MATCAP2: variants seen among roughly 807,000 people sequenced by gnomAD.
The protein encoded by MATCAP2 is microtubule associated tyrosine carboxypeptidase 2, also known as putative tyrosine carboxypeptidase MATCAP2.
chr7:36,368,291 T>C, the MATCAP2 span: 2 of 152,268 alleles, frequency 1.3e-5, no homozygotes, highest in South Asian at 2.1e-4. Context: ...ATGGAAATAA[T>C]TGGGGTGTGT....
At chr7:36,358,153 G>A in the MATCAP2 span, among the ~76,000 whole-genome samples, 34 of 151,544 alleles carry the variant, frequency 2.2e-4, no homozygotes, top group African/African-American at 3.6e-4. Context: ...AGCTGAGATC[G>A]CACCACTGCA....
At chr7:36,350,075 C>T in the MATCAP2 span, among the ~76,000 whole-genome samples, 3 of 152,156 alleles carry the variant, frequency 2.0e-5, no homozygotes, top group Non-Finnish European at 4.4e-5. Flanking sequence ...TTAAAGAAGG[C>T]TTACTTTTTC....
chr7:36,383,616 G>A, the MATCAP2 span, among the ~76,000 whole-genome samples: 1 of 152,184 alleles, frequency 6.6e-6, no homozygotes, highest in Admixed American at 6.5e-5. Flanking sequence ...TGAACAATGA[G>A]AATGCATGGA....
chr7:36,336,381 C>A, the MATCAP2 span: 5 of 1,069,682 alleles, frequency 4.7e-6, no homozygotes, highest in Non-Finnish European at 5.3e-6. Context: ...TTTATTGTGA[C>A]CTATTCTAGG....
At chr7:36,386,305 G>A in the MATCAP2 span, among the ~76,000 whole-genome samples, 2 of 152,100 alleles carry the variant, frequency 1.3e-5, no homozygotes, top group African/African-American at 2.4e-5. Context: ...ACAAAAGCAT[G>A]AAAAGCCATA....
At chr7:36,374,593 G>A in the MATCAP2 span, among the ~76,000 whole-genome samples, 17 of 151,848 alleles carry the variant, frequency 1.1e-4, no homozygotes, top group African/African-American at 4.1e-4. Context: ...CAACATGCAG[G>A]TTTGTTACAT....
the MATCAP2 span, among the ~76,000 whole-genome samples, chr7:36,379,847 C>CACACACAGAGAGAGAGAGAGAGAGAG: frequency 9.3e-6 from 1 of 107,700 alleles, no homozygotes; most frequent in East Asian, 3.0e-4. Flanking sequence ...CACACACACA[C>CACACACAGAGAGAGAGAGAGAGAGAG]AGAGAGAGAG....
At chr7:36,335,366 G>C in the MATCAP2 span, among the ~76,000 whole-genome samples, 1 of 152,164 alleles carries the variant, frequency 6.6e-6, no homozygotes, top group Non-Finnish European at 1.5e-5. Flanking sequence ...TGACCCTTTG[G>C]GAACTCAAGA....
the MATCAP2 span, among the ~76,000 whole-genome samples, chr7:36,348,133 C>T: frequency 6.6e-6 from 1 of 152,118 alleles, no homozygotes; most frequent in Admixed American, 6.6e-5. Flanking sequence ...ATGGTTACTT[C>T]AGATAAGCAT....
chr7:36,378,177 G>A, the MATCAP2 span, among the ~76,000 whole-genome samples: 3 of 152,176 alleles, frequency 2.0e-5, no homozygotes, highest in Non-Finnish European at 4.4e-5. Flanking sequence ...TTAGAGAAGA[G>A]GTGCTCTGGT....
chr7:36,358,247 G>A, the MATCAP2 span, among the ~76,000 whole-genome samples: 1 of 151,546 alleles, frequency 6.6e-6, no homozygotes, highest in Non-Finnish European at 1.5e-5. Flanking sequence ...TTTTAAAATA[G>A]TATTTTCTAT....
At chr7:36,357,050 G>C in the MATCAP2 span, 26 of 1,614,148 alleles carry the variant, frequency 1.6e-5, no homozygotes, top group Non-Finnish European at 2.0e-5. Flanking sequence ...TTTTATAGCA[G>C]TCAATATACA....
chr7:36,372,853 C>T, the MATCAP2 span, among the ~76,000 whole-genome samples: 1 of 152,238 alleles, frequency 6.6e-6, no homozygotes, highest in African/African-American at 2.4e-5. Flanking sequence ...GCCTGTAATC[C>T]CAACACTTTG....
chr7:36,375,342 A>T, the MATCAP2 span, among the ~76,000 whole-genome samples: 3 of 152,120 alleles, frequency 2.0e-5, no homozygotes, highest in Non-Finnish European at 2.9e-5. Context: ...ATCTATTGAG[A>T]TAATCATATG....
chr7:36,367,167 G>C, the MATCAP2 span: 1 of 1,207,792 alleles, frequency 8.3e-7, no homozygotes, highest in Non-Finnish European at 1.0e-6. Context: ...AGGTACACAC[G>C]GCGGCCTTAC....
chr7:36,379,186 A>G, the MATCAP2 span, among the ~76,000 whole-genome samples: 1 of 152,158 alleles, frequency 6.6e-6, no homozygotes. Flanking sequence ...TGTGTCAATC[A>G]TGCTGGGAGC....
the MATCAP2 span, chr7:36,326,748 G>T: frequency 6.2e-7 from 1 of 1,605,292 alleles, no homozygotes; most frequent in Non-Finnish European, 8.5e-7. Context: ...ATGTTTGCCA[G>T]AACGCTAATT....
chr7:36,355,983 A>C, the MATCAP2 span: 1 of 152,232 alleles, frequency 6.6e-6, no homozygotes, highest in African/African-American at 2.4e-5. Context: ...ATTATTCATA[A>C]CGTTCACATC....
the MATCAP2 span, among the ~76,000 whole-genome samples, chr7:36,375,901 G>A: frequency 3.3e-5 from 5 of 152,132 alleles, no homozygotes; most frequent in Non-Finnish European, 7.4e-5. Context: ...ATTCTCTGAT[G>A]GTAGTTTGTA....
Sources: allele counts gnomAD v4.1 joint callset (sites outside exome capture counted in the v4.1 genomes callset), GRCh38; gene constraint gnomAD v4.1.1; transcripts MANE v1.5; gene names NCBI Gene and HGNC (gene_info 2026-07-23, HGNC 2026-07-21).